GPHN: variants seen among roughly 807,000 people sequenced by gnomAD.
GPHN encodes the protein gephyrin.
In GPHN, 17 loss-of-function variants were observed where a neutral mutation model predicts 95.5. The observed-to-expected ratio is 0.18, with a 90% CI of 0.12 to 0.27. The LOEUF (loss-of-function observed/expected upper bound fraction) is 0.27. Among genes scored for constraint, GPHN ranks in the 10% least tolerant of loss-of-function variants. The pLI is 1.00. For missense variants in GPHN, 660 were observed against 978.1 expected (o/e 0.67, Z 4.34); for synonymous variants, 320 against 322.5 (o/e 0.99, Z 0.08).
At chr14:67,225,044 C>CT in the GPHN span, 3 of 1,390,424 alleles carry the variant, frequency 2.2e-6, no homozygotes, top group African/African-American at 1.5e-5. Context: ...CTGCTTTTGG[C>CT]TTTTTTTCTT....
At chr14:67,490,884 G>T in the GPHN span, among the ~76,000 whole-genome samples, 83 of 152,248 alleles carry the variant, frequency 5.5e-4, no homozygotes, top group Admixed American at 5.4e-3. Flanking sequence ...GACCAGATAT[G>T]GGGTGGGCGT....
intron 18 of GPHN, among the ~76,000 whole-genome samples, chr14:67,157,023 A>G (rs948331782): frequency 1.3e-5 from 2 of 152,016 alleles, no homozygotes; most frequent in African/African-American, 2.4e-5. Context: ...TGAATCCTTC[A>G]GTTAAAAATT....
chr14:66,787,528 A>G (rs757449338), intron 3 of GPHN, among the ~76,000 whole-genome samples: 7 of 152,176 alleles, frequency 4.6e-5, no homozygotes, highest in Non-Finnish European at 8.8e-5. Context: ...CAGCTAAGAC[A>G]ATTTTTAAAA....
At chr14:67,126,383 T>C (rs2079316822) in intron 17 of GPHN, among the ~76,000 whole-genome samples, 1 of 152,212 alleles carries the variant, frequency 6.6e-6, no homozygotes, top group Non-Finnish European at 1.5e-5. Flanking sequence ...TACTGTGGGC[T>C]GGATTGGTCA....
the GPHN span, among the ~76,000 whole-genome samples, chr14:67,368,381 C>T: frequency 6.6e-6 from 1 of 152,212 alleles, no homozygotes; most frequent in Non-Finnish European, 1.5e-5. Flanking sequence ...TGCTACCAAG[C>T]AAGCCCTTTG....
At chr14:67,478,923 A>C in the GPHN span, among the ~76,000 whole-genome samples, 1 of 152,196 alleles carries the variant, frequency 6.6e-6, no homozygotes, top group African/African-American at 2.4e-5. Context: ...AAAAAGCAGG[A>C]TTCAAAACTG....
the GPHN span, among the ~76,000 whole-genome samples, chr14:67,434,791 G>T: frequency 7.9e-5 from 12 of 152,234 alleles, no homozygotes; most frequent in Middle Eastern, 3.4e-3. Context: ...ATAAAGAAAA[G>T]GGATTTATTT....
chr14:66,844,826 G>T (rs1828492038), intron 4 of GPHN, among the ~76,000 whole-genome samples: 1 of 152,028 alleles, frequency 6.6e-6, no homozygotes, highest in Non-Finnish European at 1.5e-5. Context: ...ACTGTTTCTA[G>T]AACTTTTATC....
intron 8 of GPHN, among the ~76,000 whole-genome samples, chr14:66,929,812 C>T (rs545911408): frequency 4.4e-4 from 67 of 151,940 alleles, no homozygotes; most frequent in South Asian, 4.2e-4. Flanking sequence ...CCCGGGTTCA[C>T]GCCATTCTCC....
At chr14:67,031,433 A>G (rs984895657) in intron 10 of GPHN, among the ~76,000 whole-genome samples, 1 of 152,124 alleles carries the variant, frequency 6.6e-6, no homozygotes, top group Non-Finnish European at 1.5e-5. Context: ...CATCACTTAG[A>G]TTACCTTTCT....
chr14:67,568,947 A>T, the GPHN span: 1 of 571,488 alleles, frequency 1.7e-6, no homozygotes. Context: ...AAAGGTAAGT[A>T]TTATTACCTC....
At chr14:67,700,576 G>A in the GPHN span, among the ~76,000 whole-genome samples, 21 of 151,950 alleles carry the variant, frequency 1.4e-4, no homozygotes, top group East Asian at 3.9e-3. Flanking sequence ...TTAGCCGGGC[G>A]TGGTGGCGGG....
chr14:66,831,347 G>C (rs553875729), intron 4 of GPHN, among the ~76,000 whole-genome samples: 1 of 152,164 alleles, frequency 6.6e-6, no homozygotes, highest in African/African-American at 2.4e-5. Flanking sequence ...ATTGTTCTAT[G>C]CAAATAGGAT....
At chr14:67,351,402 T>C in the GPHN span, among the ~76,000 whole-genome samples, 5 of 152,380 alleles carry the variant, frequency 3.3e-5, no homozygotes, top group East Asian at 1.9e-4. Flanking sequence ...TGTGGCATAA[T>C]ATTTTCTTAA....
chr14:67,280,977 A>T, the GPHN span, among the ~76,000 whole-genome samples: 1 of 149,700 alleles, frequency 6.7e-6, no homozygotes, highest in Non-Finnish European at 1.5e-5. Flanking sequence ...GGCTCACAGC[A>T]ATCTCCGCCT....
intron 11 of GPHN, among the ~76,000 whole-genome samples, chr14:67,068,445 C>A (rs1330045235): frequency 6.6e-6 from 1 of 152,152 alleles, no homozygotes; most frequent in Non-Finnish European, 1.5e-5. Context: ...ATTTATGATT[C>A]ATTTTCTTTA....
At chr14:67,579,817 C>T in the GPHN span, 1 of 1,610,088 alleles carries the variant, frequency 6.2e-7, no homozygotes, top group South Asian at 1.1e-5. Context: ...TGGCTTTGCC[C>T]TCTTCACGGA....
chr14:66,526,889 G>A (rs919688882), intron 1 of GPHN, among the ~76,000 whole-genome samples: 10 of 152,096 alleles, frequency 6.6e-5, no homozygotes, highest in Non-Finnish European at 1.2e-4. Context: ...ATATTTTATC[G>A]AGGATTTTTG....
At chr14:66,585,764 T>C (rs1228753206) in intron 1 of GPHN, among the ~76,000 whole-genome samples, 1 of 152,210 alleles carries the variant, frequency 6.6e-6, no homozygotes, top group Non-Finnish European at 1.5e-5. Context: ...CAGTTTGTTA[T>C]AATTTCTGTT....
Sources: allele counts gnomAD v4.1 joint callset (sites outside exome capture counted in the v4.1 genomes callset), GRCh38; gene constraint gnomAD v4.1.1; transcripts MANE v1.5; gene names NCBI Gene and HGNC (gene_info 2026-07-23, HGNC 2026-07-21).